SEMA3E: variants seen among roughly 807,000 people sequenced by gnomAD.
SEMA3E encodes semaphorin-3E.
A neutral mutation model predicts 93.6 loss-of-function variants in SEMA3E; 49 were observed. That is an observed-to-expected ratio of 0.52 (90% confidence interval 0.42 to 0.66). The LOEUF (loss-of-function observed/expected upper bound fraction) is 0.66, where lower values mean the gene tolerates loss of function less well. Ranked by LOEUF, SEMA3E falls within the 30% of genes least tolerant of loss-of-function variation. The probability of loss-of-function intolerance (pLI) is 0.00; values close to 1 mark genes in which losing one functional copy is unlikely to be tolerated. For missense variants in SEMA3E, 906 were observed against 964.8 expected, an observed-to-expected ratio of 0.94 and a Z score of 0.81; for synonymous variants, 363 against 330.7, an observed-to-expected ratio of 1.10 and a Z score of -1.06.
intron 1 of SEMA3E, among the ~76,000 whole-genome samples, chr7:83,545,601 GT>G (rs199844183): frequency 0.012 from 1,528 of 126,712 alleles, 24 homozygotes; most frequent in African/African-American, 0.052. Context: ...AGATGTGCCA[GT>G]CAAAACTAGG....
In SEMA3E at chr7:83,400,219, C is replaced by G. The variant is rs958373053; in HGVS notation, c.1175G>C (p.Gly392Ala). The change falls in exon 11 of 17, where the codon GGA becomes GCA. Residue 392 changes from glycine (G) to alanine (A), a missense_variant. Coordinates refer to ENST00000643230, the MANE Select transcript of SEMA3E (RefSeq NM_012431.3). ...CASKVNGGRY[G>A]TTKDYPDDAI... ...ATCATCAGGATAGTCCTTGGTGGTT[C>G]CGTATCTCCCTCCATTTACTTTGCT... 6.2e-7 allele frequency: 1 copy of G among 1,613,752 alleles called. No individual in the cohort carries two copies.
intron 1 of SEMA3E, among the ~76,000 whole-genome samples, chr7:83,574,981 GAAC>G (rs1469415900): frequency 2.3e-4 from 35 of 152,050 alleles, no homozygotes; most frequent in Non-Finnish European, 4.0e-4. Context: ...TGGATACAAT[GAAC>G]AATAAATGGA....
At chr7:83,597,361 C>T (rs1373986279) in intron 1 of SEMA3E, among the ~76,000 whole-genome samples, 2 of 152,104 alleles carry the variant, frequency 1.3e-5, no homozygotes, top group Non-Finnish European at 2.9e-5. Context: ...ATTATTTTTG[C>T]TAAATGAAAT....
rs1794621334 is a variant in SEMA3E, at chr7:83,363,859, CATT to C, written c.*3724_*3726del. The C allele has an allele frequency of 7.0e-5, 7 of 100,556 alleles. No individual in the cohort carries two copies. The highest frequency in any genetic ancestry group is 6.5e-4 in the South Asian group (2 of 3,094). 6.2% of individuals were successfully genotyped at this position (100,556 alleles called of 1,614,324 possible). Reference sequence around the variant, plus strand: ...AGGCTACAGGTGTCACAGGTCAATTCATTTTTTTTTTTTTTTTTTTTTTTTTTT... The same window carrying C: ...AGGCTACAGGTGTCACAGGTCAATTCTTTTTTTTTTTTTTTTTTTTTTTTT... On this transcript the variant is annotated 3_prime_UTR_variant, in exon 17 of 17. Transcript: ENST00000643230.
intron 1 of SEMA3E, among the ~76,000 whole-genome samples, chr7:83,617,902 C>G (rs1793414454): frequency 6.6e-6 from 1 of 151,962 alleles, no homozygotes; most frequent in African/African-American, 2.4e-5. Flanking sequence ...ATGCCCTGTC[C>G]ATTGCTCCTA....
chr7:83,411,214 T>C (rs995395138), intron 5 of SEMA3E, among the ~76,000 whole-genome samples: 1 of 152,078 alleles, frequency 6.6e-6, no homozygotes. Context: ...TAATACCATA[T>C]TCAGAGACAA....
At chr7:83,429,470 A>T (rs920146312) in intron 4 of SEMA3E, among the ~76,000 whole-genome samples, 1 of 152,214 alleles carries the variant, frequency 6.6e-6, no homozygotes, top group Admixed American at 6.5e-5. Context: ...ACGGTGTCCT[A>T]GAGTATTTGA....
At chr7:83,393,336 C>A (rs1010255305) in intron 13 of SEMA3E, among the ~76,000 whole-genome samples, 1 of 152,016 alleles carries the variant, frequency 6.6e-6, no homozygotes, top group Non-Finnish European at 1.5e-5. Context: ...GAGTTTGAGA[C>A]CAGCCTGGGC....
intron 4 of SEMA3E, among the ~76,000 whole-genome samples, chr7:83,460,336 T>C (rs1303658429): frequency 6.6e-6 from 1 of 151,876 alleles, no homozygotes; most frequent in Non-Finnish European, 1.5e-5. Flanking sequence ...TCCTTTCCAC[T>C]CTTCAATCTC....
chr7:83,584,026 G>T (rs1792568616), intron 1 of SEMA3E, among the ~76,000 whole-genome samples: 1 of 152,094 alleles, frequency 6.6e-6, no homozygotes, highest in African/African-American at 2.4e-5. Context: ...GTGGATTTGT[G>T]TGAAATTAGG....
At chr7:83,419,084 T>C (rs186084517) in intron 4 of SEMA3E, among the ~76,000 whole-genome samples, 546 of 149,312 alleles carry the variant, frequency 3.7e-3, no homozygotes, top group African/African-American at 0.013. Context: ...GTCTCTATTA[T>C]TGCCATCTTT....
At chr7:83,628,351 G>A (rs55881407) in intron 1 of SEMA3E, among the ~76,000 whole-genome samples, 44,475 of 151,882 alleles carry the variant, frequency 0.29, 7,312 homozygotes, top group African/African-American at 0.44. Context: ...CTAGGTTGGG[G>A]AAGTTCTCCT....
intron 1 of SEMA3E, among the ~76,000 whole-genome samples, chr7:83,538,453 T>G (rs1457849237): frequency 1.3e-5 from 2 of 152,190 alleles, no homozygotes; most frequent in African/African-American, 4.8e-5. Context: ...GAGCATCTTT[T>G]CATGTGCTTA....
chr7:83,565,457 C>G (rs79446811), intron 1 of SEMA3E, among the ~76,000 whole-genome samples: 3,146 of 152,194 alleles, frequency 0.021, 113 homozygotes, highest in African/African-American at 0.072. Context: ...ACCACCATGG[C>G]ACACGTATAC....
chr7:83,459,705 CCT>C (rs1190108069), intron 4 of SEMA3E, among the ~76,000 whole-genome samples: 2 of 152,158 alleles, frequency 1.3e-5, no homozygotes, highest in Admixed American at 6.5e-5. Flanking sequence ...CATCGCATCC[CCT>C]GTGACTTGCA....
chr7:83,617,444 A>AAATTTTATATAAATAATATAT (rs60767166), intron 1 of SEMA3E, among the ~76,000 whole-genome samples: 43,839 of 96,342 alleles, frequency 0.46, 17,897 homozygotes, highest in African/African-American at 0.61. Context: ...AATTTTATAT[A>AAATTTTATATAAATAATATAT]AATTTTATAT....
intron 1 of SEMA3E, among the ~76,000 whole-genome samples, chr7:83,622,877 G>A (rs1793594424): frequency 2.0e-5 from 3 of 151,118 alleles, no homozygotes; most frequent in Non-Finnish European, 4.4e-5. Context: ...ACTAATGGGT[G>A]CTGGGCTTAA....
intron 4 of SEMA3E, among the ~76,000 whole-genome samples, chr7:83,427,502 A>C (rs946212881): frequency 8.5e-5 from 13 of 152,182 alleles, no homozygotes; most frequent in Non-Finnish European, 1.8e-4. Flanking sequence ...AAAAGGAAGA[A>C]AATTTACCAT....
intron 1 of SEMA3E, among the ~76,000 whole-genome samples, chr7:83,492,361 C>A (rs895030846): frequency 6.6e-5 from 10 of 151,960 alleles, no homozygotes; most frequent in African/African-American, 2.4e-4. Flanking sequence ...CTCATTATCC[C>A]TGCACGCACA....
Sources: gnomAD v4.1 joint callset for allele counts (sites outside exome capture counted in the v4.1 genomes callset) on GRCh38, gnomAD v4.1.1 for gene constraint, MANE v1.5 for transcripts, NCBI Gene and HGNC (gene_info 2026-07-23, HGNC 2026-07-21) for gene names.